The following EDA variants were observed in gnomAD, a reference collection of about 807,000 sequenced individuals.
EDA encodes ectodysplasin-A.
A neutral mutation model predicts 23.6 loss-of-function variants in EDA; 2 were observed. That is an observed-to-expected ratio of 0.08 (90% CI 0.03 to 0.27). EDA has a LOEUF of 0.27. EDA is among the 10% of genes least tolerant of loss of function. EDA has a pLI of 1.00. For missense variants in EDA, 229 were observed against 324.2 expected (o/e 0.71, Z 2.26); for synonymous variants, 131 against 132.0 (o/e 0.99, Z 0.05).
At position 69,752,006 on chromosome X, in the gene EDA, A is replaced by G. The variant is rs201185889; in HGVS notation, c.396+135302A>G. On this transcript the variant is annotated intron_variant, in intron 1 of 7. Coordinates refer to ENST00000374552, the MANE Select transcript of EDA (RefSeq NM_001399.5). ...GACGATGGGGTTTTCTAGATATACA[A>G]TCATGTCATCTGCAAACAGGGACAA... is the stretch of plus-strand genomic sequence containing the variant. Among the ~76,000 whole-genome samples, 10 of 111,061 alleles carry G rather than the reference A, an allele frequency of 9.0e-5. No individual in the cohort carries two copies. The East Asian group carries it at 2.6e-3, about 28-fold the overall frequency.
At chrX:69,755,810 A>T in intron 1 of EDA, among the ~76,000 whole-genome samples, 1 of 112,442 alleles carries the variant, frequency 8.9e-6, no homozygotes, top group Non-Finnish European at 1.9e-5. Flanking sequence ...GTTCGATCTC[A>T]GACTGCTGTG....
intron 1 of EDA, among the ~76,000 whole-genome samples, chrX:69,756,687 A>T (rs943253493): frequency 1.8e-5 from 2 of 112,040 alleles, no homozygotes; most frequent in Non-Finnish European, 3.8e-5. Context: ...ATTCAAGTAA[A>T]ATCCCATTAC....
intron 1 of EDA, among the ~76,000 whole-genome samples, chrX:69,900,513 C>T (rs1242138327): frequency 9.2e-6 from 1 of 108,609 alleles, no homozygotes; most frequent in African/African-American, 3.3e-5. Flanking sequence ...GTTATGACTA[C>T]CAAATTAGTT....
In EDA at chrX:69,639,289, A is replaced by G. The variant is rs6624426; in HGVS notation, c.396+22585A>G. 2.7e-5 allele frequency among the ~76,000 whole-genome samples: 3 copies of G among 111,722 alleles called. No individual in the cohort carries two copies. The East Asian group carries it at 8.4e-4, about 31-fold the overall frequency. On this transcript the variant is annotated intron_variant, in intron 1 of 7. Coordinates refer to ENST00000374552, the MANE Select transcript of EDA (RefSeq NM_001399.5). ...TCATTTAGGGTACATACTAAGGAGT[A>G]GGATTGCTGAGTTGTATGGTAATTC...
At chrX:69,665,348 G>A (rs1933646831) in intron 1 of EDA, among the ~76,000 whole-genome samples, 1 of 111,318 alleles carries the variant, frequency 9.0e-6, no homozygotes. Context: ...TCCTTTTGTG[G>A]CTTGAGCTTT....
At chrX:69,814,204 G>A (rs1200694167) in intron 1 of EDA, among the ~76,000 whole-genome samples, 1 of 112,595 alleles carries the variant, frequency 8.9e-6, no homozygotes, top group African/African-American at 3.2e-5. Context: ...ATACATTTAT[G>A]TTGTTAGGCA....
At chrX:69,676,513 C>T (rs1169436703) in intron 1 of EDA, among the ~76,000 whole-genome samples, 4 of 107,543 alleles carry the variant, frequency 3.7e-5, no homozygotes, top group African/African-American at 1.4e-4. Context: ...CGCGCGCGCA[C>T]GTGTGCTTGT....
At chrX:69,849,578 A>T (rs898405791) in intron 1 of EDA, among the ~76,000 whole-genome samples, 3 of 111,730 alleles carry the variant, frequency 2.7e-5, no homozygotes, top group Admixed American at 9.6e-5. Flanking sequence ...ACTTGAGCCT[A>T]CAAGGATTTC....
intron 1 of EDA, among the ~76,000 whole-genome samples, chrX:69,651,479 C>G (rs992404471): frequency 1.0e-4 from 10 of 96,805 alleles, no homozygotes; most frequent in Non-Finnish European, 1.8e-4. Context: ...TATAATCTAT[C>G]TACTGATGTG....
chrX:69,974,182 A>C (rs1172007361), intron 2 of EDA, among the ~76,000 whole-genome samples: 1 of 110,703 alleles, frequency 9.0e-6, no homozygotes, highest in Non-Finnish European at 1.9e-5. Flanking sequence ...TGAGAAGGAA[A>C]TATATGGTTG....
intron 6 of EDA, among the ~76,000 whole-genome samples, chrX:70,031,911 C>A (rs1355381676): frequency 1.8e-5 from 2 of 112,266 alleles, no homozygotes; most frequent in Non-Finnish European, 3.8e-5. Flanking sequence ...TTGTTTCCAG[C>A]CCCTCTGGGC....
chrX:69,623,255 A>G (rs1049183339), intron 1 of EDA, among the ~76,000 whole-genome samples: 4 of 112,295 alleles, frequency 3.6e-5, no homozygotes, highest in African/African-American at 1.3e-4. Flanking sequence ...AAATCAATTT[A>G]GAGGGAACTC....
chrX:69,711,520 G>A (rs1331659718), intron 1 of EDA, among the ~76,000 whole-genome samples: 2 of 111,732 alleles, frequency 1.8e-5, no homozygotes, highest in East Asian at 2.8e-4. Context: ...AATGAGTTAG[G>A]GAGGATTCCC....
At chrX:69,851,851 T>G (rs754458186) in intron 1 of EDA, among the ~76,000 whole-genome samples, 53 of 111,697 alleles carry the variant, frequency 4.7e-4, no homozygotes, top group Admixed American at 2.1e-3. Context: ...ATCTACTGAA[T>G]CAAAAACTCT....
At chrX:69,723,668 T>C in intron 1 of EDA, among the ~76,000 whole-genome samples, 1 of 112,060 alleles carries the variant, frequency 8.9e-6, no homozygotes, top group African/African-American at 3.2e-5. Context: ...TTAATCTTGG[T>C]AAATTCTTTA....
intron 1 of EDA, among the ~76,000 whole-genome samples, chrX:69,640,640 G>C (rs1243808096): frequency 9.0e-6 from 1 of 110,768 alleles, no homozygotes; most frequent in Admixed American, 9.7e-5. Flanking sequence ...GACAAAGGCT[G>C]GGTGAACACT....
At chrX:69,918,242 C>T (rs559941366) in intron 1 of EDA, among the ~76,000 whole-genome samples, 4 of 105,977 alleles carry the variant, frequency 3.8e-5, no homozygotes, top group South Asian at 4.4e-4. Context: ...CTACAACCTC[C>T]GTCTGTCGGG....
intron 1 of EDA, among the ~76,000 whole-genome samples, chrX:69,695,546 A>G (rs1295359796): frequency 2.2e-5 from 2 of 91,793 alleles, no homozygotes; most frequent in Non-Finnish European, 4.2e-5. Flanking sequence ...GTCTAGCACT[A>G]TTGCCTGGGC....
At chrX:69,673,677 G>A (rs956829333) in intron 1 of EDA, among the ~76,000 whole-genome samples, 2 of 111,386 alleles carry the variant, frequency 1.8e-5, no homozygotes, top group African/African-American at 3.3e-5. Context: ...AATAATGTTC[G>A]GTAACTATTT....
Sources: gnomAD v4.1 joint callset for allele counts (sites outside exome capture counted in the v4.1 genomes callset) on GRCh38, gnomAD v4.1.1 for gene constraint, MANE v1.5 for transcripts, NCBI Gene and HGNC (gene_info 2026-07-23, HGNC 2026-07-21) for gene names.